The following RBFOX1 variants were observed in gnomAD, a reference collection of about 807,000 sequenced individuals.
RBFOX1 encodes the protein RNA binding protein fox-1 homolog 1.
RBFOX1 carries 8 observed loss-of-function variants against 57.7 expected under a neutral mutation model. That is an observed-to-expected ratio of 0.14 (90% CI 0.08 to 0.25). RBFOX1 has a LOEUF of 0.25. Ranked by LOEUF, RBFOX1 falls within the 10% of genes least tolerant of loss-of-function variation. The pLI, the probability that RBFOX1 is intolerant of heterozygous loss-of-function variation, is 1.00. For synonymous variants in RBFOX1, 326 were observed against 222.4 expected, an observed-to-expected ratio of 1.47 and a Z score of -4.15; for missense variants, 611 against 548.5, an observed-to-expected ratio of 1.11 and a Z score of -1.14.
chr16:7,418,067 A>G (rs900739204), intron 4 of RBFOX1, among the ~76,000 whole-genome samples: 14 of 151,540 alleles, frequency 9.2e-5, no homozygotes, highest in African/African-American at 3.2e-4. Context: ...AGGCCAAGAC[A>G]CTCCCTGTCA....
chr16:6,395,412 C>A (rs961546889), intron 2 of RBFOX1, among the ~76,000 whole-genome samples: 11 of 152,130 alleles, frequency 7.2e-5, no homozygotes, highest in Non-Finnish European at 1.2e-4. Context: ...TCATGTTATC[C>A]CAAATTCTTT....
At chr16:6,735,292 AC>A (rs1238549763) in intron 3 of RBFOX1, among the ~76,000 whole-genome samples, 1 of 152,302 alleles carries the variant, frequency 6.6e-6, no homozygotes, top group East Asian at 1.9e-4. Context: ...TCAGCCACTC[AC>A]CAGTGGGTTC....
At chr16:5,639,484 C>T (rs1399750335) in intron 3 of RBFOX1, among the ~76,000 whole-genome samples, 1 of 152,198 alleles carries the variant, frequency 6.6e-6, no homozygotes, top group African/African-American at 2.4e-5. Flanking sequence ...GGCCTCGGAA[C>T]ACTGGGTCCA....
rs2095319075 is a variant in RBFOX1 at position 6,478,447 on chromosome 16, T to TG, written c.-64+161391dup. Among the ~76,000 whole-genome samples, 18 of 116,410 alleles carry TG rather than the reference T, an allele frequency of 1.5e-4. No homozygotes were observed. In the East Asian group the frequency reaches 4.7e-3, roughly 30 times the overall value. 76.4% of individuals were successfully genotyped at this position (116,410 alleles called of 152,430 possible). A position where few individuals can be genotyped will look rare whatever the true frequency, so the allele number is the denominator to read the frequency against. On this transcript the variant is annotated intron_variant, in intron 2 of 15. Transcript: ENST00000550418. ...TATATATATTTTTTTTTTTTTTTTTTGTATTTTTAGTAGAGACAGGGTTTC... is the reference window on the plus strand; with the variant it reads ...TATATATATTTTTTTTTTTTTTTTTTGGTATTTTTAGTAGAGACAGGGTTTC...
At chr16:5,983,494 G>T (rs1430194807) in intron 4 of RBFOX1, among the ~76,000 whole-genome samples, 7 of 152,316 alleles carry the variant, frequency 4.6e-5, no homozygotes, top group Non-Finnish European at 1.0e-4. Flanking sequence ...GAAGAGAGGG[G>T]TACGGTGGGG....
intron 3 of RBFOX1, among the ~76,000 whole-genome samples, chr16:6,811,067 C>G (rs933458380): frequency 1.3e-5 from 2 of 152,166 alleles, no homozygotes; most frequent in African/African-American, 4.8e-5. Context: ...AAAAACACAC[C>G]TGGGTATTTC....
In RBFOX1 at chr16:6,780,020, T is replaced by C. The variant is rs1178975460; in HGVS notation, c.-16+125370T>C. ...ATTTATATATATTTATATATATTTA[T>C]ATATTTATATATATTTATATATATT... On this transcript the variant is annotated intron_variant, in intron 3 of 15. Coordinates refer to ENST00000550418, the MANE Select transcript of RBFOX1 (RefSeq NM_018723.4). Among the ~76,000 whole-genome samples, 50 of 45,672 alleles carry C rather than the reference T, an allele frequency of 1.1e-3. 1 individual carries two copies. Among genetic ancestry groups the C allele is most frequent in the East Asian group, 4.5e-3 (2 of 440 alleles). 30.0% of individuals were successfully genotyped at this position (45,672 alleles called of 152,430 possible).
At chr16:6,968,028 C>T (rs2084671528) in intron 3 of RBFOX1, among the ~76,000 whole-genome samples, 3 of 152,148 alleles carry the variant, frequency 2.0e-5, no homozygotes, top group Non-Finnish European at 2.9e-5. Flanking sequence ...GTAAGGAAGC[C>T]ATGTGGGCTC....
At chr16:6,160,705 G>A (rs572630098) in intron 1 of RBFOX1, among the ~76,000 whole-genome samples, 2 of 152,130 alleles carry the variant, frequency 1.3e-5, no homozygotes, top group African/African-American at 4.8e-5. Flanking sequence ...GCATAACCTG[G>A]TACCTGGCAC....
intron 3 of RBFOX1, among the ~76,000 whole-genome samples, chr16:7,002,524 C>T (rs2092914245): frequency 6.6e-6 from 1 of 152,018 alleles, no homozygotes; most frequent in Non-Finnish European, 1.5e-5. Flanking sequence ...CCAGCCTGGC[C>T]AAAATGGTGA....
chr16:6,898,497 T>G (rs964998494), intron 3 of RBFOX1, among the ~76,000 whole-genome samples: 2 of 152,128 alleles, frequency 1.3e-5, no homozygotes, highest in African/African-American at 4.8e-5. Context: ...TAGTAAAGAT[T>G]TATTGCAACA....
chr16:6,873,915 C>T (rs1228400503), intron 3 of RBFOX1: 1 of 152,096 alleles, frequency 6.6e-6, no homozygotes, highest in Non-Finnish European at 1.5e-5. Flanking sequence ...ACTTTGGCAG[C>T]ACATATACTA....
At chr16:5,875,203 G>C (rs190049946) in intron 4 of RBFOX1, among the ~76,000 whole-genome samples, 2 of 152,146 alleles carry the variant, frequency 1.3e-5, no homozygotes, top group Non-Finnish European at 2.9e-5. Flanking sequence ...TATCTTTACA[G>C]CAATCTTTGA....
chr16:6,085,292 G>T (rs562174974), intron 1 of RBFOX1, among the ~76,000 whole-genome samples: 4 of 152,266 alleles, frequency 2.6e-5, no homozygotes, highest in Non-Finnish European at 5.9e-5. Context: ...TTGTTTTTGA[G>T]ACGCGGTTTC....
chr16:5,303,068 T>C (rs1383562968), intron 1 of RBFOX1, among the ~76,000 whole-genome samples: 1 of 152,224 alleles, frequency 6.6e-6, no homozygotes, highest in Non-Finnish European at 1.5e-5. Flanking sequence ...TTGTGTGTGC[T>C]TTTTTGGGGT....
intron 4 of RBFOX1, among the ~76,000 whole-genome samples, chr16:7,343,775 C>T (rs1386859539): frequency 2.0e-5 from 3 of 152,012 alleles, no homozygotes; most frequent in African/African-American, 7.2e-5. Flanking sequence ...GAGGCCTCCA[C>T]CTCTGGGACC....
intron 1 of RBFOX1, among the ~76,000 whole-genome samples, chr16:5,464,034 A>G (rs776375549): frequency 2.9e-4 from 44 of 152,268 alleles, no homozygotes; most frequent in Non-Finnish European, 5.9e-4. Context: ...TAGCCCCGTG[A>G]TGGACCAGCA....
intron 1 of RBFOX1, among the ~76,000 whole-genome samples, chr16:6,226,095 C>T (rs143727326): frequency 1.3e-5 from 2 of 151,386 alleles, no homozygotes; most frequent in African/African-American, 2.4e-5. Flanking sequence ...TGCAGTGGCT[C>T]ATGCCTGTAA....
chr16:7,039,278 C>G (rs571954452), intron 3 of RBFOX1, among the ~76,000 whole-genome samples: 8 of 152,118 alleles, frequency 5.3e-5, no homozygotes, highest in Admixed American at 1.3e-4. Flanking sequence ...AGTACTTAGC[C>G]TTGACAAGCT....
Sources: allele counts gnomAD v4.1 joint callset (sites outside exome capture counted in the v4.1 genomes callset), GRCh38; gene constraint gnomAD v4.1.1; transcripts MANE v1.5; gene names NCBI Gene and HGNC (gene_info 2026-07-23, HGNC 2026-07-21).